The following RBPJ variants were observed in gnomAD, a reference collection of about 807,000 sequenced individuals.
RBPJ encodes recombining binding protein suppressor of hairless.
In RBPJ, 9 loss-of-function variants were observed where a neutral mutation model predicts 67.8. The ratio of observed to expected loss-of-function variants is 0.13; its 90% CI spans 0.08 to 0.23. RBPJ has a LOEUF of 0.23. Among genes scored for constraint, RBPJ ranks in the 10% least tolerant of loss-of-function variants. The probability of loss-of-function intolerance (pLI) is 1.00; values close to 1 mark genes in which losing one functional copy is unlikely to be tolerated. For synonymous variants in RBPJ, 198 were observed against 203.3 expected, an observed-to-expected ratio of 0.97 and a Z score of 0.22; for missense variants, 305 against 595.6, an observed-to-expected ratio of 0.51 and a Z score of 5.08.
At chr4:26,138,772 C>T in the RBPJ span, among the ~76,000 whole-genome samples, 1 of 152,240 alleles carries the variant, frequency 6.6e-6, no homozygotes, top group Non-Finnish European at 1.5e-5. Context: ...TCCTCATGCT[C>T]CAATCCTGCC....
At chr4:26,236,784 A>T (rs1339465692) in intron 1 of RBPJ, among the ~76,000 whole-genome samples, 1 of 152,228 alleles carries the variant, frequency 6.6e-6, no homozygotes, top group African/African-American at 2.4e-5. Context: ...TATCTCTATT[A>T]TCAGGAAGAT....
intron 1 of RBPJ, among the ~76,000 whole-genome samples, chr4:26,181,241 A>G (rs960935641): frequency 2.9e-4 from 44 of 152,256 alleles, no homozygotes; most frequent in African/African-American, 1.0e-3. Flanking sequence ...TTCTCACTGT[A>G]AGTCTGCGTG....
At chr4:26,324,632 C>T (rs1166907826) in intron 1 of RBPJ, among the ~76,000 whole-genome samples, 5 of 152,138 alleles carry the variant, frequency 3.3e-5, no homozygotes, top group South Asian at 2.1e-4. Context: ...TGGGTTCAAG[C>T]GATCCTCGTG....
chr4:26,248,389 A>G (rs1719995822), intron 1 of RBPJ, among the ~76,000 whole-genome samples: 1 of 152,238 alleles, frequency 6.6e-6, no homozygotes, highest in African/African-American at 2.4e-5. Context: ...TTCTAGGCAT[A>G]CAATCATATT....
rs115428818 is a variant in RBPJ at position 26,331,141 on chromosome 4, C to G, written c.20+10093C>G. Among the ~76,000 whole-genome samples, 1,232 of 152,250 alleles carry G rather than the reference C, an allele frequency of 8.1e-3. 24 individuals are homozygous for G. The highest frequency in any genetic ancestry group is 0.029 in the African/African-American group (1,189 of 41,554). On this transcript the variant is annotated intron_variant, in intron 1 of 10. Coordinates refer to ENST00000355476, the MANE Select transcript of RBPJ (RefSeq NM_015874.6). Reference sequence around the variant, plus strand: ...GTTTTTGAAACAGGGTTTGCTGTCACGTAGGCTAGAATGCAGTGGTGCTGT... The same window carrying G: ...GTTTTTGAAACAGGGTTTGCTGTCAGGTAGGCTAGAATGCAGTGGTGCTGT...
rs1378945661 is a variant in RBPJ at position 26,424,893 on chromosome 4, G to C, written c.747+150G>C. On this transcript the variant is annotated intron_variant, in intron 7 of 10. Transcript: ENST00000355476. This position sits in a 1 kb window ranked among gnomAD's most constrained non-coding sequence, Gnocchi z 5.3. ...TTAGTAATCAGTGCTGTTTATAATT[G>C]ACAGTTATGCTCTACCTTATTTCAG... 5.4e-6 allele frequency: 3 copies of C among 550,844 alleles called. No homozygotes were observed. The highest frequency in any genetic ancestry group is 2.8e-4 in the Middle Eastern group (1 of 3,584). The allele number at this position is 550,844 out of a possible 1,614,324, so 34.1% of individuals were successfully genotyped here. A position where few individuals can be genotyped will look rare whatever the true frequency, so the allele number is the denominator to read the frequency against.
intron 1 of RBPJ, among the ~76,000 whole-genome samples, chr4:26,207,923 A>T (rs906460083): frequency 3.9e-5 from 6 of 152,190 alleles, no homozygotes. Flanking sequence ...CTGACAGCTC[A>T]CACCTGTATA....
At chr4:26,224,224 G>A (rs563916713) in intron 1 of RBPJ, among the ~76,000 whole-genome samples, 2 of 150,482 alleles carry the variant, frequency 1.3e-5, no homozygotes, top group East Asian at 1.9e-4. Context: ...ATTCTGTTCC[G>A]TAAGAACACA....
intron 2 of RBPJ, among the ~76,000 whole-genome samples, chr4:26,391,390 T>A (rs557194051): frequency 1.3e-5 from 2 of 152,098 alleles, no homozygotes; most frequent in African/African-American, 4.8e-5. Context: ...TTAGCTAGAT[T>A]TTTTTTTAAA....
chr4:26,167,075 A>C (rs1290875427), intron 1 of RBPJ, among the ~76,000 whole-genome samples: 1 of 151,978 alleles, frequency 6.6e-6, no homozygotes, highest in African/African-American at 2.4e-5. Context: ...ATCGATCTAT[A>C]GCTCTGTTTT....
intron 1 of RBPJ, among the ~76,000 whole-genome samples, chr4:26,242,744 T>G: frequency 6.6e-6 from 1 of 151,576 alleles, no homozygotes; most frequent in Non-Finnish European, 1.5e-5. Flanking sequence ...GTTTATTTTA[T>G]TTAAGAGTCT....
the RBPJ span, chr4:26,113,480 GA>G: frequency 1.8e-6 from 1 of 554,320 alleles, no homozygotes; most frequent in Non-Finnish European, 3.5e-6. Context: ...ACACACAGGA[GA>G]AAAGCCCTAT....
At chr4:26,386,579 G>C (rs1196688112) in intron 2 of RBPJ, among the ~76,000 whole-genome samples, 188 bp downstream of exon 2, 1 of 152,070 alleles carries the variant, frequency 6.6e-6, no homozygotes. Context: ...GGAACAAAAG[G>C]ATATAGTTGA....
At chr4:26,110,297 C>T in the RBPJ span, among the ~76,000 whole-genome samples, 1 of 152,272 alleles carries the variant, frequency 6.6e-6, no homozygotes. This position sits in a 1 kb window ranked among gnomAD's most constrained non-coding sequence, Gnocchi z 4.5. Flanking sequence ...ATGGAGGACA[C>T]GACTTACTTG....
At chr4:26,126,516 G>A in the RBPJ span, among the ~76,000 whole-genome samples, 4 of 152,358 alleles carry the variant, frequency 2.6e-5, no homozygotes, top group South Asian at 4.1e-4. Flanking sequence ...TTCCTGGGAC[G>A]TGGACTCTTG....
At chr4:26,327,278 TG>T (rs1723728887) in intron 1 of RBPJ, among the ~76,000 whole-genome samples, 2 of 152,192 alleles carry the variant, frequency 1.3e-5, no homozygotes, top group African/African-American at 4.8e-5. Context: ...GCACTGTAAG[TG>T]GTAGTAATTA....
chr4:26,408,609 G>C (rs1733713768), intron 3 of RBPJ, among the ~76,000 whole-genome samples: 1 of 152,132 alleles, frequency 6.6e-6, no homozygotes, highest in African/African-American at 2.4e-5. Flanking sequence ...TCATGAGCCA[G>C]ACATGATTCC....
At chr4:26,387,491 G>A (rs1052781367) in intron 2 of RBPJ, among the ~76,000 whole-genome samples, 2 of 152,176 alleles carry the variant, frequency 1.3e-5, no homozygotes, top group African/African-American at 4.8e-5. Context: ...CCTAATAAAT[G>A]TAGAAGGACA....
chr4:26,109,579 C>CTATATATATATA, the RBPJ span, among the ~76,000 whole-genome samples: 2 of 29,390 alleles, frequency 6.8e-5, no homozygotes, highest in African/African-American at 2.1e-4. Context: ...CTCTCTCTCT[C>CTATATATATATA]TATATATATA....
Sources: allele counts gnomAD v4.1 joint callset (sites outside exome capture counted in the v4.1 genomes callset), GRCh38; gene constraint gnomAD v4.1.1; non-coding constraint Gnocchi (gnomAD v3.1); transcripts MANE v1.5; gene names NCBI Gene and HGNC (gene_info 2026-07-23, HGNC 2026-07-21).